The following DNAH11 variants were observed in gnomAD, a reference collection of about 807,000 sequenced individuals.
DNAH11 encodes the protein axonemal beta dynein heavy chain 11.
In DNAH11, 442 loss-of-function variants were observed where a neutral mutation model predicts 526.0. The ratio of observed to expected loss-of-function variants is 0.84; its 90% CI spans 0.78 to 0.91. The LOEUF (loss-of-function observed/expected upper bound fraction) is 0.91. DNAH11 is among the 40% of genes least tolerant of loss of function. DNAH11 has a pLI of 0.00. For missense variants in DNAH11, 6,989 were observed against 5,448.7 expected (o/e 1.28, Z -8.90); for synonymous variants, 2,461 against 1,935.9 (o/e 1.27, Z -7.12).
intron 5 of DNAH11, among the ~76,000 whole-genome samples, chr7:21,562,588 TG>T (rs751466694): frequency 1.6e-4 from 25 of 152,130 alleles, no homozygotes; most frequent in Non-Finnish European, 3.5e-4. Flanking sequence ...ATAGAACAAG[TG>T]GCTCAAACTC....
chr7:21,616,639 T>C (rs1305094983), intron 22 of DNAH11, among the ~76,000 whole-genome samples: 2 of 152,178 alleles, frequency 1.3e-5, no homozygotes, highest in African/African-American at 4.8e-5. Context: ...AAACATTTTG[T>C]ATCTGAAAAG....
chr7:21,711,489 A>T (rs1441213702), intron 41 of DNAH11, among the ~76,000 whole-genome samples: 3 of 152,200 alleles, frequency 2.0e-5, no homozygotes, highest in African/African-American at 2.4e-5. Context: ...AAATTACTAC[A>T]ATTATGTAAA....
chr7:21,638,024 C>A (rs1483445929), intron 27 of DNAH11, among the ~76,000 whole-genome samples: 1 of 151,958 alleles, frequency 6.6e-6, no homozygotes, highest in South Asian at 2.1e-4. Flanking sequence ...TGATTGAGCA[C>A]CTGGGATTGC....
intron 38 of DNAH11, among the ~76,000 whole-genome samples, chr7:21,704,909 C>T (rs1202282132): frequency 6.6e-6 from 1 of 152,170 alleles, no homozygotes; most frequent in Admixed American, 6.5e-5. Flanking sequence ...GAGACATGCA[C>T]TAAAAATTTA....
rs558653783 is a variant in DNAH11 at position 21,900,606 on chromosome 7, C to T, written c.13304-401C>T. 2.6e-5 allele frequency among the ~76,000 whole-genome samples: 4 copies of T among 152,188 alleles called. No homozygotes were observed. The South Asian group carries it at 8.3e-4, about 32-fold the overall frequency. On this transcript the variant is annotated intron_variant, in intron 81 of 81. Transcript: ENST00000409508. ...CATTTATTCCACAGGACACTTAGTC[C>T]CTACCAAGATGTTCCTTTTTCAGTT...
intron 56 of DNAH11, among the ~76,000 whole-genome samples, chr7:21,778,130 C>T (rs1787759012): frequency 6.6e-6 from 1 of 151,834 alleles, no homozygotes; most frequent in African/African-American, 2.4e-5. Context: ...GTTACATGAC[C>T]CTCAAACTGA....
At chr7:21,567,186 A>G (rs1475657272) in intron 6 of DNAH11, among the ~76,000 whole-genome samples, 1 of 152,216 alleles carries the variant, frequency 6.6e-6, no homozygotes, top group Non-Finnish European at 1.5e-5. Context: ...GAGCATTGCC[A>G]TCTTTAAAAA....
At chr7:21,656,869 T>C (rs1248966887) in intron 29 of DNAH11, among the ~76,000 whole-genome samples, 1 of 152,166 alleles carries the variant, frequency 6.6e-6, no homozygotes, top group Non-Finnish European at 1.5e-5. Flanking sequence ...TTAAAATATA[T>C]TTTTTGATCT....
chr7:21,635,044 A>G (rs1243574893), intron 25 of DNAH11, among the ~76,000 whole-genome samples: 1 of 152,172 alleles, frequency 6.6e-6, no homozygotes, highest in Non-Finnish European at 1.5e-5. Context: ...AAACAAAACA[A>G]AAACAAGCAC....
chr7:21,792,540 G>A (rs771749044), intron 61 of DNAH11, among the ~76,000 whole-genome samples: 3 of 151,982 alleles, frequency 2.0e-5, no homozygotes, highest in African/African-American at 4.8e-5. Context: ...TTTCTTTGAT[G>A]GAGACTTTTT....
chr7:21,759,277 C>T (rs1166426455), intron 54 of DNAH11, among the ~76,000 whole-genome samples: 1 of 152,098 alleles, frequency 6.6e-6, no homozygotes, highest in African/African-American at 2.4e-5. Context: ...CAAACATTAC[C>T]TCTAGCAAAA....
At chr7:21,859,496 A>C (rs779338034) in intron 68 of DNAH11, among the ~76,000 whole-genome samples, 2 of 152,178 alleles carry the variant, frequency 1.3e-5, no homozygotes, top group African/African-American at 2.4e-5. Context: ...ATCTGAAAAA[A>C]TCCAAAATCT....
chr7:21,635,447 T>C (rs1274843589), intron 25 of DNAH11, among the ~76,000 whole-genome samples: 2 of 152,138 alleles, frequency 1.3e-5, no homozygotes, highest in East Asian at 1.9e-4. Flanking sequence ...TGAGCCACCG[T>C]GCCCGGCCTA....
At chr7:21,823,342 C>T (rs969643862) in intron 65 of DNAH11, among the ~76,000 whole-genome samples, 2 of 152,000 alleles carry the variant, frequency 1.3e-5, no homozygotes, top group Non-Finnish European at 2.9e-5. Flanking sequence ...GTTTTTCATA[C>T]CTGCAGTTTC....
At chr7:21,872,135 A>AAAAAAAAAAAAACAAAAC (rs1783523143) in intron 73 of DNAH11, among the ~76,000 whole-genome samples, 1 of 137,242 alleles carries the variant, frequency 7.3e-6, no homozygotes, top group Admixed American at 7.2e-5. Context: ...AAAAAAAAAA[A>AAAAAAAAAAAAACAAAAC]AAAAAAAAAA....
At chr7:21,645,393 A>G (rs1027856362) in intron 28 of DNAH11, among the ~76,000 whole-genome samples, 2 of 152,228 alleles carry the variant, frequency 1.3e-5, no homozygotes, top group African/African-American at 4.8e-5. Context: ...AAGAGCATTT[A>G]AAGAGTATTG....
At chr7:21,590,857 G>A in intron 12 of DNAH11, 61 bp from the exon 13 acceptor site, 2 of 1,019,294 alleles carry the variant, frequency 2.0e-6, no homozygotes, top group Non-Finnish European at 2.7e-6. Flanking sequence ...AGTTAAACTT[G>A]AGTTAAAATA....
At chr7:21,838,148 A>T (rs189349052) in intron 65 of DNAH11, among the ~76,000 whole-genome samples, 3 of 152,226 alleles carry the variant, frequency 2.0e-5, no homozygotes, top group Admixed American at 2.0e-4. Flanking sequence ...AATTTTGATG[A>T]TGCTCTCCAC....
chr7:21,798,217 T>A (rs1788803468), intron 61 of DNAH11, among the ~76,000 whole-genome samples: 1 of 152,180 alleles, frequency 6.6e-6, no homozygotes, highest in African/African-American at 2.4e-5. Context: ...TGCCTCAGCC[T>A]CCTGGGTAGC....
Sources: allele counts gnomAD v4.1 joint callset (sites outside exome capture counted in the v4.1 genomes callset), GRCh38; gene constraint gnomAD v4.1.1; transcripts MANE v1.5; gene names NCBI Gene and HGNC (gene_info 2026-07-23, HGNC 2026-07-21).